Variants in ADGRB3 observed in about 807,000 individuals in gnomAD.
ADGRB3 encodes the protein adhesion G protein-coupled receptor B3, also known as brain-specific angiogenesis inhibitor 3.
A neutral mutation model predicts 193.4 loss-of-function variants in ADGRB3; 37 were observed. That is an observed-to-expected ratio of 0.19 (90% CI 0.15 to 0.25). The LOEUF (loss-of-function observed/expected upper bound fraction) is 0.25, where lower values mean the gene tolerates loss of function less well. Among genes scored for constraint, ADGRB3 ranks in the 10% least tolerant of loss-of-function variants. The probability of loss-of-function intolerance (pLI) is 1.00; values close to 1 mark genes in which losing one functional copy is unlikely to be tolerated. For missense variants in ADGRB3, 1,637 were observed against 1,852.9 expected (o/e 0.88, Z 2.14); for synonymous variants, 690 against 644.2 (o/e 1.07, Z -1.08).
chr6:69,366,712 T>G (rs975261167), intron 29 of ADGRB3, among the ~76,000 whole-genome samples: 1 of 152,118 alleles, frequency 6.6e-6, no homozygotes, highest in Non-Finnish European at 1.5e-5. Flanking sequence ...TCGTTGTGTG[T>G]TTAGTCTACC....
intron 17 of ADGRB3, among the ~76,000 whole-genome samples, chr6:69,161,344 T>C (rs1451509450): frequency 6.6e-6 from 1 of 151,984 alleles, no homozygotes; most frequent in Non-Finnish European, 1.5e-5. Context: ...TGAATAACAC[T>C]AGATGAGAGA....
chr6:69,093,238 C>A (rs529668972), intron 17 of ADGRB3, among the ~76,000 whole-genome samples: 1 of 146,710 alleles, frequency 6.8e-6, no homozygotes, highest in Non-Finnish European at 1.5e-5. Flanking sequence ...GGGCAGCCTG[C>A]GTCCAGGGAA....
At chr6:68,938,515 G>T (rs1366286167) in intron 5 of ADGRB3, among the ~76,000 whole-genome samples, 1 of 149,412 alleles carries the variant, frequency 6.7e-6, no homozygotes, top group Non-Finnish European at 1.5e-5. Flanking sequence ...ATATATTACT[G>T]CATATAGTTA....
intron 8 of ADGRB3, among the ~76,000 whole-genome samples, chr6:68,968,351 T>A (rs975528787): frequency 6.6e-6 from 1 of 152,224 alleles, no homozygotes; most frequent in East Asian, 1.9e-4. Context: ...TAATACTAAG[T>A]GTGAAAAACT....
At chr6:69,040,220 C>CT (rs1207193491) in intron 13 of ADGRB3, among the ~76,000 whole-genome samples, 1 of 151,984 alleles carries the variant, frequency 6.6e-6, no homozygotes, top group Non-Finnish European at 1.5e-5. Context: ...GATTCTTCTT[C>CT]TTATCAGGCA....
chr6:69,008,060 C>A (rs902559317), intron 11 of ADGRB3, among the ~76,000 whole-genome samples: 4 of 152,112 alleles, frequency 2.6e-5, no homozygotes, highest in African/African-American at 9.7e-5. Context: ...GCAGTAATTC[C>A]ATTTGCAAGA....
chr6:69,190,619 G>A (rs1765167118), intron 17 of ADGRB3, among the ~76,000 whole-genome samples: 1 of 151,898 alleles, frequency 6.6e-6, no homozygotes, highest in Non-Finnish European at 1.5e-5. Context: ...CATAAATTTA[G>A]CGTAACTTAA....
chr6:69,369,518 C>A (rs1213519527), intron 29 of ADGRB3, among the ~76,000 whole-genome samples: 1 of 151,878 alleles, frequency 6.6e-6, no homozygotes, highest in Non-Finnish European at 1.5e-5. Context: ...GGCAACATGA[C>A]AAAATCTTAT....
intron 30 of ADGRB3, among the ~76,000 whole-genome samples, chr6:69,379,652 A>G (rs1769903554): frequency 6.6e-6 from 1 of 151,974 alleles, no homozygotes; most frequent in Non-Finnish European, 1.5e-5. Context: ...TGAGTCTATG[A>G]ACAAGAAGAA....
At chr6:68,827,668 G>C (rs183612247) in intron 3 of ADGRB3, among the ~76,000 whole-genome samples, 11 of 151,894 alleles carry the variant, frequency 7.2e-5, no homozygotes, top group Admixed American at 1.3e-4. Flanking sequence ...GTTTTTTTTG[G>C]GGGGGAGGGG....
At chr6:69,083,254 T>A (rs2150315035) in intron 17 of ADGRB3, among the ~76,000 whole-genome samples, 1 of 152,368 alleles carries the variant, frequency 6.6e-6, no homozygotes. Flanking sequence ...CCTTATATTT[T>A]CCGCTTTATT....
intron 3 of ADGRB3, among the ~76,000 whole-genome samples, chr6:68,769,321 A>T (rs1766570830): frequency 1.3e-5 from 2 of 152,248 alleles, no homozygotes; most frequent in Non-Finnish European, 2.9e-5. Flanking sequence ...TGGATAAATA[A>T]AATATGGCAC....
chr6:69,085,440 G>A lies in ADGRB3; in HGVS notation c.2480+9402G>A, dbSNP rs76639908. Among the ~76,000 whole-genome samples, 239 of 152,092 alleles carry A rather than the reference G, an allele frequency of 1.6e-3. 8 individuals are homozygous for A. In the East Asian group the frequency reaches 0.043, roughly 27 times the overall value. ...ACACAGAGCTGGCTGGTAAGGATAG[G>A]CCCCTGGGTAACCTCTCTTAATTTT... On this transcript the variant is annotated intron_variant, in intron 17 of 31. Coordinates refer to ENST00000370598, the MANE Select transcript of ADGRB3 (RefSeq NM_001704.3).
intron 17 of ADGRB3, among the ~76,000 whole-genome samples, chr6:69,118,871 A>G (rs1184395714): frequency 1.3e-5 from 2 of 152,186 alleles, no homozygotes; most frequent in South Asian, 2.1e-4. Context: ...TTTTATCTAT[A>G]TATAGCAAAA....
intron 3 of ADGRB3, among the ~76,000 whole-genome samples, chr6:68,844,132 C>T (rs1308987710): frequency 6.6e-6 from 1 of 152,028 alleles, no homozygotes; most frequent in Non-Finnish European, 1.5e-5. Flanking sequence ...TTGAATAATA[C>T]CCCACAAGTA....
intron 3 of ADGRB3, among the ~76,000 whole-genome samples, chr6:68,710,579 C>G (rs775777049): frequency 6.6e-6 from 1 of 152,108 alleles, no homozygotes; most frequent in South Asian, 2.1e-4. Flanking sequence ...AAGACAGACC[C>G]TTCTCTCCTC....
At chr6:68,644,148 A>G (rs1200367093) in intron 3 of ADGRB3, among the ~76,000 whole-genome samples, 1 of 152,064 alleles carries the variant, frequency 6.6e-6, no homozygotes, top group Non-Finnish European at 1.5e-5. Flanking sequence ...TAAATAGGTT[A>G]CAGTAAAAAA....
chr6:68,827,885 C>T (rs1259832986), intron 3 of ADGRB3, among the ~76,000 whole-genome samples: 1 of 152,154 alleles, frequency 6.6e-6, no homozygotes, highest in African/African-American at 2.4e-5. Flanking sequence ...TGCACATGCT[C>T]TTACACTCGT....
intron 3 of ADGRB3, among the ~76,000 whole-genome samples, chr6:68,669,950 T>A (rs1047766670): frequency 9.9e-5 from 15 of 152,052 alleles, no homozygotes; most frequent in Non-Finnish European, 1.8e-4. Flanking sequence ...CTCTTTTTGA[T>A]ATAAGCCATT....
Sources: gnomAD v4.1 joint callset for allele counts (sites outside exome capture counted in the v4.1 genomes callset) on GRCh38, gnomAD v4.1.1 for gene constraint, MANE v1.5 for transcripts, NCBI Gene and HGNC (gene_info 2026-07-23, HGNC 2026-07-21) for gene names.